NTN4: variants seen among roughly 807,000 people sequenced by gnomAD.
NTN4 encodes netrin 4, also known as netrin-4.
Under a neutral mutation model 73.6 loss-of-function variants are expected in NTN4, and 32 were observed. The observed-to-expected ratio is 0.44, with a 90% confidence interval of 0.33 to 0.58. NTN4 has a LOEUF of 0.58. Ranked by LOEUF, NTN4 falls within the 20% of genes least tolerant of loss-of-function variation. The probability of loss-of-function intolerance (pLI) is 0.04; values close to 1 mark genes in which losing one functional copy is unlikely to be tolerated. For synonymous variants in NTN4, 258 were observed against 287.5 expected (o/e 0.90, Z 1.04); for missense variants, 654 against 798.3 (o/e 0.82, Z 2.18).
chr12:95,684,131 T>C (rs1014097895), intron 5 of NTN4, among the ~76,000 whole-genome samples: 1 of 152,054 alleles, frequency 6.6e-6, no homozygotes, highest in Middle Eastern at 3.2e-3. Flanking sequence ...TCAAAGAAGA[T>C]GGGGCATGTG....
chr12:95,669,294 C>T (rs2078208155), intron 8 of NTN4, among the ~76,000 whole-genome samples: 1 of 151,890 alleles, frequency 6.6e-6, no homozygotes, highest in African/African-American at 2.4e-5. Context: ...AATATAAAGC[C>T]ATTTGAAGAT....
In NTN4 at chr12:95,787,350, G is replaced by T; in HGVS notation, c.174C>A (p.Thr58=). Residue 58 remains threonine, a synonymous_variant, in exon 2 of 10, where the codon ACC becomes ACA. Transcript: ENST00000343702. ...TCTCACTGTAGAAGCAGTACAGTTC[G>T]GTAGCATTCTGACCGCAGGTGGTGT... is the stretch of plus-strand genomic sequence containing the variant. ...WADTTCGQNA[T]ELYCFYSENT... is the part of the protein sequence containing the mutation. 1 of 1,614,170 alleles carries T rather than the reference G, an allele frequency of 6.2e-7. No homozygotes were observed. Among genetic ancestry groups the T allele is most frequent in the Non-Finnish European group, 8.5e-7 (1 of 1,180,044 alleles).
chr12:95,673,964 T>TGAG (rs1443474908), intron 7 of NTN4: 1 of 151,936 alleles, frequency 6.6e-6, no homozygotes, highest in Non-Finnish European at 1.5e-5. Context: ...TCTCCAGGAA[T>TGAG]GAGTATAATA....
At chr12:95,674,691 A>ATAGG (rs1350265609) in intron 7 of NTN4, among the ~76,000 whole-genome samples, 2 of 152,224 alleles carry the variant, frequency 1.3e-5, no homozygotes, top group African/African-American at 2.4e-5. Flanking sequence ...TGGGAGGTAT[A>ATAGG]TAGGTAGGTA....
chr12:95,664,704 C>T (rs1314735267), intron 9 of NTN4, among the ~76,000 whole-genome samples: 4 of 152,076 alleles, frequency 2.6e-5, no homozygotes, highest in Non-Finnish European at 5.9e-5. Context: ...CCTCTGCCTC[C>T]TGGGTTCAAG....
At chr12:95,684,511 T>G (rs1386046582) in intron 5 of NTN4, among the ~76,000 whole-genome samples, 1 of 151,956 alleles carries the variant, frequency 6.6e-6, no homozygotes, top group Non-Finnish European at 1.5e-5. Context: ...TCTTGCTATG[T>G]TGCCCAGGCT....
chr12:95,741,448 TATATATATATATATATA>T (rs2078824903), intron 2 of NTN4, among the ~76,000 whole-genome samples: 3 of 118,216 alleles, frequency 2.5e-5, no homozygotes, highest in African/African-American at 1.1e-4. Flanking sequence ...TATATATATA[TATATATATATATATATA>T]TATATATATC....
At chr12:95,735,892 A>G (rs1565901251) in intron 3 of NTN4, among the ~76,000 whole-genome samples, 2 of 148,022 alleles carry the variant, frequency 1.4e-5, no homozygotes, top group East Asian at 2.0e-4. Flanking sequence ...CCTGCTCATG[A>G]TTTTTTTTAA....
intron 8 of NTN4, among the ~76,000 whole-genome samples, chr12:95,669,152 G>T (rs961689536): frequency 6.6e-6 from 1 of 150,808 alleles, no homozygotes; most frequent in African/African-American, 2.4e-5. Flanking sequence ...AGGTTGCAGT[G>T]AGTCTAGATT....
At chr12:95,698,312 A>G (rs752259038) in intron 5 of NTN4, among the ~76,000 whole-genome samples, 2 of 152,244 alleles carry the variant, frequency 1.3e-5, no homozygotes, top group Non-Finnish European at 2.9e-5. Context: ...CATGACAGCC[A>G]TTCACCAAAT....
intron 5 of NTN4, among the ~76,000 whole-genome samples, chr12:95,703,418 T>A (rs1327192486): frequency 6.6e-6 from 1 of 152,210 alleles, no homozygotes; most frequent in Non-Finnish European, 1.5e-5. Flanking sequence ...AGTCTTCATA[T>A]AGATATGGCC....
chr12:95,700,000 T>C (rs1190232119), intron 5 of NTN4, among the ~76,000 whole-genome samples: 3 of 151,822 alleles, frequency 2.0e-5, no homozygotes, highest in African/African-American at 7.2e-5. Flanking sequence ...TAACTGGTTG[T>C]TTCCTAAAAG....
At chr12:95,678,277 C>G (rs1412401822) in intron 7 of NTN4, among the ~76,000 whole-genome samples, 1 of 147,898 alleles carries the variant, frequency 6.8e-6, no homozygotes, top group Admixed American at 6.9e-5. Context: ...ATAGGTGCAG[C>G]AAACCACTAT....
chr12:95,776,921 G>C (rs2079097439), intron 2 of NTN4, among the ~76,000 whole-genome samples: 1 of 152,044 alleles, frequency 6.6e-6, no homozygotes. Flanking sequence ...GAAAGGTCAG[G>C]TTACCCACAA....
chr12:95,744,609 GTA>G (rs2121197347), intron 2 of NTN4, among the ~76,000 whole-genome samples: 1 of 152,038 alleles, frequency 6.6e-6, no homozygotes, highest in East Asian at 1.9e-4. Context: ...TTACCTCTAT[GTA>G]TATGTTATAA....
chr12:95,751,856 T>G (rs1169536608), intron 2 of NTN4, among the ~76,000 whole-genome samples: 1 of 89,070 alleles, frequency 1.1e-5, no homozygotes, highest in Non-Finnish European at 2.5e-5. Flanking sequence ...CTCTTAAAAC[T>G]CCCCAACTCT....
chr12:95,675,251 G>C (rs779816849), intron 7 of NTN4, among the ~76,000 whole-genome samples: 7 of 152,092 alleles, frequency 4.6e-5, no homozygotes, highest in Non-Finnish European at 8.8e-5. Context: ...ATTATCACGA[G>C]ATTATGTTAA....
chr12:95,698,435 T>C (rs187771937), intron 5 of NTN4, among the ~76,000 whole-genome samples: 6 of 152,360 alleles, frequency 3.9e-5, no homozygotes, highest in Non-Finnish European at 2.9e-5. Context: ...TAGAATGGTA[T>C]ACTATTTATT....
At chr12:95,672,860 A>C in intron 7 of NTN4, 1 of 1,379,214 alleles carries the variant, frequency 7.3e-7, no homozygotes, top group Non-Finnish European at 1.0e-6. Context: ...ATTGCAGCCC[A>C]TGGCAACAGC....
Sources: gnomAD v4.1 joint callset for allele counts (sites outside exome capture counted in the v4.1 genomes callset) on GRCh38, gnomAD v4.1.1 for gene constraint, MANE v1.5 for transcripts, NCBI Gene and HGNC (gene_info 2026-07-23, HGNC 2026-07-21) for gene names.